The following KCNG3 variants were observed in gnomAD, a reference collection of about 807,000 sequenced individuals.
KCNG3 encodes voltage-gated potassium channel regulatory subunit KCNG3.
Under a neutral mutation model 29.0 loss-of-function variants are expected in KCNG3, and 15 were observed. That is an observed-to-expected ratio of 0.52 (90% CI 0.35 to 0.80). The LOEUF is 0.80. KCNG3 is among the 30% of genes least tolerant of loss of function. The pLI is 0.01. For missense variants in KCNG3, 512 were observed against 605.7 expected, an observed-to-expected ratio of 0.85 and a Z score of 1.62; for synonymous variants, 322 against 248.9, an observed-to-expected ratio of 1.29 and a Z score of -2.76.
chr2:42,464,990 T>C (rs1287309061), intron 1 of KCNG3, among the ~76,000 whole-genome samples: 2 of 152,178 alleles, frequency 1.3e-5, no homozygotes, highest in African/African-American at 4.8e-5. Context: ...ACTAAATTAA[T>C]GGTACAAAAA....
the KCNG3 span, among the ~76,000 whole-genome samples, chr2:42,397,994 C>T: frequency 2.6e-5 from 4 of 152,066 alleles, no homozygotes; most frequent in African/African-American, 9.7e-5. Flanking sequence ...GAGGCCGAGG[C>T]AGGCAGAGCA....
the KCNG3 span, among the ~76,000 whole-genome samples, chr2:42,410,099 A>G: frequency 6.6e-6 from 1 of 152,156 alleles, no homozygotes; most frequent in Non-Finnish European, 1.5e-5. Context: ...CCATTCAATA[A>G]TAATTCCTGG....
In KCNG3 at chr2:42,443,909, T is replaced by C. The variant is rs747444390; in HGVS notation, c.*25A>G. 6.3e-7 allele frequency: 1 copy of C among 1,578,092 alleles called. No individual in the cohort carries two copies. Among genetic ancestry groups the C allele is most frequent in the Non-Finnish European group, 8.6e-7 (1 of 1,161,438 alleles). On this transcript the variant is annotated 3_prime_UTR_variant, in exon 2 of 2. Coordinates refer to ENST00000306078, the MANE Select transcript of KCNG3 (RefSeq NM_133329.6). ...AGCATCAAAGTCTTTCTATGAAGTGTATGCAAGAATTGATTTGCAATGCAT... is the reference window on the plus strand; with the variant it reads ...AGCATCAAAGTCTTTCTATGAAGTGCATGCAAGAATTGATTTGCAATGCAT...
chr2:42,454,478 G>A (rs1001493097), intron 1 of KCNG3, among the ~76,000 whole-genome samples: 3 of 152,150 alleles, frequency 2.0e-5, no homozygotes, highest in Admixed American at 6.6e-5. Flanking sequence ...TTGGGAGGCC[G>A]AGGCGGGCAG....
chr2:42,425,193 A>C, the KCNG3 span: 1 of 151,824 alleles, frequency 6.6e-6, no homozygotes, highest in Non-Finnish European at 1.5e-5. Flanking sequence ...CAAGAATATC[A>C]AATCAGCCAG....
At chr2:42,449,090 T>TG (rs1019651736) in intron 1 of KCNG3, among the ~76,000 whole-genome samples, 1 of 152,156 alleles carries the variant, frequency 6.6e-6, no homozygotes, top group Non-Finnish European at 1.5e-5. Context: ...TTGGTATATG[T>TG]GGGGGGTCCT....
chr2:42,474,847 T>C (rs1673382707), intron 1 of KCNG3, among the ~76,000 whole-genome samples: 1 of 152,194 alleles, frequency 6.6e-6, no homozygotes, highest in African/African-American at 2.4e-5. Flanking sequence ...GGGAATTCTT[T>C]TGTTCTGATG....
the KCNG3 span, among the ~76,000 whole-genome samples, chr2:42,429,871 G>C: frequency 6.6e-6 from 1 of 152,184 alleles, no homozygotes; most frequent in African/African-American, 2.4e-5. Flanking sequence ...AGTGATGCCA[G>C]ACCCTGAGAG....
chr2:42,393,620 T>G, the KCNG3 span, among the ~76,000 whole-genome samples: 1 of 152,224 alleles, frequency 6.6e-6, no homozygotes, highest in African/African-American at 2.4e-5. Flanking sequence ...AGCAGCTTCA[T>G]AGTACTGTTA....
At chr2:42,471,694 A>T (rs1320026780) in intron 1 of KCNG3, among the ~76,000 whole-genome samples, 1 of 151,854 alleles carries the variant, frequency 6.6e-6, no homozygotes, top group East Asian at 1.9e-4. Flanking sequence ...CATGCAGATA[A>T]ATGTTTTTAA....
chr2:42,470,285 G>A (rs897378662), intron 1 of KCNG3: 8 of 345,602 alleles, frequency 2.3e-5, no homozygotes, highest in South Asian at 1.1e-4. Context: ...ATGTACTCAC[G>A]CAATAAAATA....
At chr2:42,441,064 G>A (rs866234335), downstream of KCNG3, among the ~76,000 whole-genome samples, 7 of 152,056 alleles carry the variant, frequency 4.6e-5, no homozygotes, top group Non-Finnish European at 8.8e-5. Context: ...TAAGAAAGAA[G>A]TGATACTTAA....
At chr2:42,452,129 C>G (rs953092454) in intron 1 of KCNG3, among the ~76,000 whole-genome samples, 1 of 148,616 alleles carries the variant, frequency 6.7e-6, no homozygotes, top group South Asian at 2.1e-4. Context: ...TTCATGGGTA[C>G]GTAGTAGGTG....
intron 1 of KCNG3, among the ~76,000 whole-genome samples, chr2:42,459,363 G>A (rs1017537747): frequency 1.3e-5 from 2 of 152,148 alleles, no homozygotes; most frequent in South Asian, 4.1e-4. Context: ...ATCTCAGAGT[G>A]TGGGCATTTA....
chr2:42,493,554 C>A lies in KCNG3; in HGVS notation c.-53G>T. 1 of 1,286,074 alleles carries A rather than the reference C, an allele frequency of 7.8e-7. No individual in the cohort carries two copies. Among genetic ancestry groups the A allele is most frequent in the Non-Finnish European group, 9.8e-7 (1 of 1,022,148 alleles). 79.7% of individuals were successfully genotyped at this position (1,286,074 alleles called of 1,614,324 possible). On this transcript the variant is annotated 5_prime_UTR_variant, in exon 1 of 2. Transcript: ENST00000306078. ...CGAGGGCCCCGCTGCAGCCCCCCAC[C>A]CCAAGCCGCCACGCGGGGCCTGCCT...
intron 1 of KCNG3, among the ~76,000 whole-genome samples, chr2:42,486,793 C>A (rs1398753713): frequency 6.6e-6 from 1 of 152,224 alleles, no homozygotes; most frequent in East Asian, 1.9e-4. Flanking sequence ...TTGTAGGAAC[C>A]TCTGTGCCCA....
At chr2:42,413,003 G>C in the KCNG3 span, among the ~76,000 whole-genome samples, 1 of 152,014 alleles carries the variant, frequency 6.6e-6, no homozygotes, top group Admixed American at 6.6e-5. Context: ...AGGCAGGCTA[G>C]AATGCACCCA....
downstream of KCNG3, among the ~76,000 whole-genome samples, chr2:42,441,803 T>TATATAAAATATATAAAC (rs1412944425): frequency 1.3e-5 from 2 of 150,810 alleles, no homozygotes; most frequent in African/African-American, 4.9e-5. Flanking sequence ...GGTGTGTGTG[T>TATATAAAATATATAAAC]ATATATATAC....
chr2:42,489,484 T>G (rs188502306), intron 1 of KCNG3, among the ~76,000 whole-genome samples: 31 of 152,290 alleles, frequency 2.0e-4, no homozygotes, highest in Non-Finnish European at 2.5e-4. Flanking sequence ...TAATCCAACT[T>G]AGGAGCCAGG....
Sources: allele counts gnomAD v4.1 joint callset (sites outside exome capture counted in the v4.1 genomes callset), GRCh38; gene constraint gnomAD v4.1.1; transcripts MANE v1.5; gene names NCBI Gene and HGNC (gene_info 2026-07-23, HGNC 2026-07-21).